Variants in ACCSL observed in about 807,000 individuals in gnomAD.
The protein encoded by ACCSL is 1-aminocyclopropane-1-carboxylate synthase homolog (inactive) like.
ACCSL carries 55 observed loss-of-function variants against 61.7 expected under a neutral mutation model. That is an observed-to-expected ratio of 0.89 (90% CI 0.72 to 1.12). The LOEUF (loss-of-function observed/expected upper bound fraction) is 1.12. Ranked by LOEUF, ACCSL falls within the 50% of genes most tolerant of loss-of-function variation. The pLI is 0.00. For synonymous variants in ACCSL, 258 were observed against 264.3 expected (o/e 0.98, Z 0.23); for missense variants, 632 against 698.0 (o/e 0.91, Z 1.07).
chr11:43,966,740 G>A, the ACCSL span, among the ~76,000 whole-genome samples: 1 of 152,054 alleles, frequency 6.6e-6, no homozygotes, highest in Non-Finnish European at 1.5e-5. Context: ...TGAGTGACTT[G>A]ATTTTTTTTT....
At chr11:44,021,657 T>TTCCC in the ACCSL span, among the ~76,000 whole-genome samples, 1 of 152,292 alleles carries the variant, frequency 6.6e-6, no homozygotes, top group Non-Finnish European at 1.5e-5. Flanking sequence ...TTTTGTTGCA[T>TTCCC]TTACTTTTGG....
the ACCSL span, among the ~76,000 whole-genome samples, chr11:43,928,662 C>T: frequency 2.6e-5 from 4 of 152,142 alleles, no homozygotes; most frequent in Middle Eastern, 3.2e-3. Flanking sequence ...CCATGGAGGA[C>T]GCAGGAGCTG....
the ACCSL span, among the ~76,000 whole-genome samples, chr11:44,006,650 C>G: frequency 6.6e-6 from 1 of 151,908 alleles, no homozygotes; most frequent in African/African-American, 2.4e-5. Context: ...GGATTAGAGA[C>G]ACGCACCATC....
At chr11:44,041,665 A>T in the ACCSL span, among the ~76,000 whole-genome samples, 1 of 152,170 alleles carries the variant, frequency 6.6e-6, no homozygotes, top group Admixed American at 6.5e-5. Flanking sequence ...TAGTCTGTAG[A>T]TAGTGATAGT....
chr11:44,044,917 G>C (rs1166639964), upstream of ACCSL, among the ~76,000 whole-genome samples: 1 of 152,182 alleles, frequency 6.6e-6, no homozygotes, highest in Non-Finnish European at 1.5e-5. Context: ...GTAGATGGTG[G>C]GAGGCTGACG....
In ACCSL at chr11:44,047,982, C is replaced by T; in HGVS notation, c.-55C>T. On this transcript the variant is annotated 5_prime_UTR_variant, in exon 1 of 14. Transcript: ENST00000378832. ...CCTCCTTTGCTCCATTGTCAATGGT[C>T]TCTTTCTCCATAGGTGCCAGGCAGC... 2 of 1,563,698 alleles carry T rather than the reference C, an allele frequency of 1.3e-6. No individual in the cohort carries two copies. The highest frequency in any genetic ancestry group is 2.3e-5 in the East Asian group (1 of 44,230).
At chr11:44,027,578 C>A in the ACCSL span, among the ~76,000 whole-genome samples, 9 of 152,278 alleles carry the variant, frequency 5.9e-5, no homozygotes, top group African/African-American at 1.7e-4. Context: ...TCTTCTTTCC[C>A]CTTTTTCAGC....
the ACCSL span, among the ~76,000 whole-genome samples, chr11:43,967,271 A>G: frequency 7.4e-6 from 1 of 135,226 alleles, no homozygotes; most frequent in Middle Eastern, 4.6e-3. Flanking sequence ...TCTGCCTCCC[A>G]GGTTCAAGTG....
At position 44,059,101 on chromosome 11, in the gene ACCSL, G is replaced by T. The variant is rs11037849; in HGVS notation, c.1624+402G>T. On this transcript the variant is annotated intron_variant, in intron 13 of 13. Transcript: ENST00000378832. The stretch of plus-strand genomic sequence containing the variant: ...ACTAAAAATACAAAAAATTAGCCAC[G>T]CATGGTGGCGCACGCCTGTAATCCC... 5.7e-3 allele frequency among the ~76,000 whole-genome samples: 864 copies of T among 152,242 alleles called. 7 individuals are homozygous for T. Among genetic ancestry groups the T allele is most frequent in the East Asian group, 0.033 (171 of 5,172 alleles).
At chr11:43,990,158 A>T in the ACCSL span, among the ~76,000 whole-genome samples, 1 of 152,206 alleles carries the variant, frequency 6.6e-6, no homozygotes, top group Non-Finnish European at 1.5e-5. Context: ...TGTGAAGTGG[A>T]GATCAGGAGA....
chr11:44,043,213 C>T (rs763642914), upstream of ACCSL, among the ~76,000 whole-genome samples: 5 of 152,178 alleles, frequency 3.3e-5, no homozygotes, highest in Admixed American at 2.0e-4. Context: ...CTATCACCAT[C>T]TACCTACCAC....
the ACCSL span, among the ~76,000 whole-genome samples, chr11:43,922,857 G>A: frequency 6.6e-6 from 1 of 152,120 alleles, no homozygotes; most frequent in Non-Finnish European, 1.5e-5. Context: ...AGAAACATCA[G>A]GCTCCACACT....
chr11:44,040,588 G>A, the ACCSL span, among the ~76,000 whole-genome samples: 1 of 152,146 alleles, frequency 6.6e-6, no homozygotes, highest in African/African-American at 2.4e-5. Flanking sequence ...TCAGTGAGGA[G>A]GGCGGCAGAG....
chr11:43,967,775 G>A, the ACCSL span, among the ~76,000 whole-genome samples: 1 of 152,118 alleles, frequency 6.6e-6, no homozygotes, highest in Non-Finnish European at 1.5e-5. Context: ...GCCATTGAAC[G>A]AGTTGGATTT....
chr11:43,955,559 G>A, the ACCSL span, among the ~76,000 whole-genome samples: 8 of 152,122 alleles, frequency 5.3e-5, no homozygotes, highest in African/African-American at 1.9e-4. Context: ...GTTTTCTAAG[G>A]ATAGTTGGGT....
At chr11:44,002,947 T>C in the ACCSL span, among the ~76,000 whole-genome samples, 3 of 151,172 alleles carry the variant, frequency 2.0e-5, no homozygotes, top group Non-Finnish European at 4.4e-5. Flanking sequence ...TTTCTGGGAG[T>C]AGGGAGGGAG....
At chr11:43,935,587 G>A in the ACCSL span, among the ~76,000 whole-genome samples, 4 of 152,388 alleles carry the variant, frequency 2.6e-5, no homozygotes, top group Admixed American at 1.3e-4. Context: ...GGATGTGCAC[G>A]TGCAAAGCAC....
At chr11:43,996,110 G>A in the ACCSL span, among the ~76,000 whole-genome samples, 1 of 152,310 alleles carries the variant, frequency 6.6e-6, no homozygotes, top group Admixed American at 6.5e-5. Flanking sequence ...GAAGCCAGGG[G>A]AAAGGCCTGG....
At chr11:43,924,117 A>G in the ACCSL span, among the ~76,000 whole-genome samples, 9 of 152,346 alleles carry the variant, frequency 5.9e-5, no homozygotes, top group African/African-American at 2.2e-4. Context: ...TTACAGAGTA[A>G]CTACTCCCTT....
Sources: gnomAD v4.1 joint callset for allele counts (sites outside exome capture counted in the v4.1 genomes callset) on GRCh38, gnomAD v4.1.1 for gene constraint, MANE v1.5 for transcripts, NCBI Gene and HGNC (gene_info 2026-07-23, HGNC 2026-07-21) for gene names.